The following PPP2R2B variants were observed in gnomAD, a reference collection of about 807,000 sequenced individuals.
PPP2R2B encodes serine/threonine-protein phosphatase 2A 55 kDa regulatory subunit B beta isoform.
A neutral mutation model predicts 46.0 loss-of-function variants in PPP2R2B; 5 were observed. The ratio of observed to expected loss-of-function variants is 0.11; its 90% CI spans 0.06 to 0.23. The LOEUF (loss-of-function observed/expected upper bound fraction) is 0.23. Among genes scored for constraint, PPP2R2B ranks in the 10% least tolerant of loss-of-function variants. The pLI is 1.00. For synonymous variants in PPP2R2B, 215 were observed against 206.7 expected, an observed-to-expected ratio of 1.04 and a Z score of -0.34; for missense variants, 367 against 575.0, an observed-to-expected ratio of 0.64 and a Z score of 3.70.
chr5:147,013,403 C>G (rs1439725723), intron 1 of PPP2R2B, among the ~76,000 whole-genome samples: 1 of 68,862 alleles, frequency 1.5e-5, no homozygotes, highest in East Asian at 2.8e-4. Context: ...TCATATGGAA[C>G]CAAAAAAGAG....
At chr5:146,789,702 AGAG>A (rs1293429993) in intron 2 of PPP2R2B, among the ~76,000 whole-genome samples, 7 of 152,094 alleles carry the variant, frequency 4.6e-5, no homozygotes, top group Non-Finnish European at 1.0e-4. Context: ...AAGGGAATAA[AGAG>A]GAGGTGGTAT....
intron 5 of PPP2R2B, among the ~76,000 whole-genome samples, chr5:146,661,837 C>T (rs1776692872): frequency 6.6e-6 from 1 of 152,112 alleles, no homozygotes; most frequent in South Asian, 2.1e-4. Context: ...CTGTTCACTG[C>T]CTTTCCTGTT....
At chr5:146,732,497 G>T (rs1752292612) in intron 2 of PPP2R2B, among the ~76,000 whole-genome samples, 1 of 152,122 alleles carries the variant, frequency 6.6e-6, no homozygotes, top group South Asian at 2.1e-4. Flanking sequence ...CAGGAACAAA[G>T]GGCAATCTTG....
At chr5:146,791,261 T>C (rs1205477963) in intron 2 of PPP2R2B, among the ~76,000 whole-genome samples, 1 of 152,224 alleles carries the variant, frequency 6.6e-6, no homozygotes, top group Non-Finnish European at 1.5e-5. Context: ...ACTATCATAC[T>C]GCTATATCTT....
chr5:146,783,593 G>A (rs1035855172), intron 2 of PPP2R2B, among the ~76,000 whole-genome samples: 2 of 152,116 alleles, frequency 1.3e-5, no homozygotes, highest in African/African-American at 4.8e-5. Flanking sequence ...AATAATTAAT[G>A]TCAGAGGCTG....
intron 2 of PPP2R2B, among the ~76,000 whole-genome samples, chr5:146,727,301 GTGT>G (rs1474593987): frequency 2.9e-5 from 4 of 139,082 alleles, no homozygotes; most frequent in Non-Finnish European, 4.5e-5. Context: ...ATTATGAGAG[GTGT>G]TTTTTTTTTA....
chr5:146,957,730 G>A (rs958370795), intron 1 of PPP2R2B, among the ~76,000 whole-genome samples: 1 of 152,152 alleles, frequency 6.6e-6, no homozygotes, highest in Admixed American at 6.5e-5. Flanking sequence ...TTGCAATAAC[G>A]TTCTGACCTA....
intron 2 of PPP2R2B, among the ~76,000 whole-genome samples, chr5:146,728,072 CA>C (rs1751985439): frequency 1.4e-5 from 2 of 146,982 alleles, no homozygotes; most frequent in South Asian, 4.3e-4. Context: ...TTAAATACCA[CA>C]AAGTAACTCA....
chr5:146,817,796 T>C (rs1758019175), intron 2 of PPP2R2B, among the ~76,000 whole-genome samples: 1 of 152,248 alleles, frequency 6.6e-6, no homozygotes, highest in Admixed American at 6.5e-5. Flanking sequence ...CTCAGTTTCA[T>C]TTCTTTGACC....
intron 1 of PPP2R2B, among the ~76,000 whole-genome samples, chr5:147,043,049 T>C (rs1485227430): frequency 1.3e-5 from 2 of 152,188 alleles, no homozygotes; most frequent in African/African-American, 4.8e-5. Context: ...TGCAGAATAC[T>C]ATACAGTCTG....
intron 6 of PPP2R2B, among the ~76,000 whole-genome samples, chr5:146,648,873 G>A (rs137915980): frequency 1.9e-4 from 29 of 152,276 alleles, no homozygotes; most frequent in African/African-American, 7.0e-4. Context: ...TTAGGGAAGC[G>A]TGACAAGACT....
Position 146,592,864 on chromosome 5 carries a change from G to T in PPP2R2B, c.1052+107C>A. On this transcript the variant is annotated intron_variant, in intron 9 of 9. Coordinates refer to ENST00000394411, the MANE Select transcript of PPP2R2B (RefSeq NM_181675.4). Reference sequence around the variant, plus strand: ...ACATTATGCATTTCAGCCAGGTTTTGGGGCCCAATTTTGACCTCCCTTTGG... The same window carrying T: ...ACATTATGCATTTCAGCCAGGTTTTTGGGCCCAATTTTGACCTCCCTTTGG... 3 of 1,064,802 alleles carry T rather than the reference G, an allele frequency of 2.8e-6. No homozygotes were observed. The South Asian group carries it at 4.1e-5, about 15-fold the overall frequency. The allele number at this position is 1,064,802 out of a possible 1,614,324, so 66.0% of individuals were successfully genotyped here. A position where few individuals can be genotyped will look rare whatever the true frequency, so the allele number is the denominator to read the frequency against.
At chr5:146,785,131 T>C (rs1755754848) in intron 2 of PPP2R2B, among the ~76,000 whole-genome samples, 1 of 152,154 alleles carries the variant, frequency 6.6e-6, no homozygotes, top group African/African-American at 2.4e-5. Context: ...CCCTCAACCT[T>C]AATAGTGGTT....
At chr5:146,876,360 G>A (rs1460610032) in intron 2 of PPP2R2B, among the ~76,000 whole-genome samples, 1 of 152,170 alleles carries the variant, frequency 6.6e-6, no homozygotes, top group Admixed American at 6.5e-5. Flanking sequence ...CATTTTCTCA[G>A]CTTGCTAAGT....
chr5:146,648,775 T>G (rs1039691226), intron 6 of PPP2R2B, among the ~76,000 whole-genome samples: 2 of 152,124 alleles, frequency 1.3e-5, no homozygotes, highest in Non-Finnish European at 2.9e-5. Flanking sequence ...CAAAATATTC[T>G]AGAAAGAGGG....
chr5:146,908,651 G>A (rs527311951), intron 1 of PPP2R2B, among the ~76,000 whole-genome samples: 1 of 151,882 alleles, frequency 6.6e-6, no homozygotes, highest in African/African-American at 2.4e-5. Flanking sequence ...GGTTGTAGTT[G>A]AAGAAGGTGA....
intron 2 of PPP2R2B, chr5:146,706,891 C>A: frequency 1.6e-6 from 2 of 1,269,106 alleles, no homozygotes; most frequent in Non-Finnish European, 2.3e-6. Context: ...GCACCACAGA[C>A]GTGTCCGAGA....
intron 2 of PPP2R2B, among the ~76,000 whole-genome samples, chr5:146,747,669 T>G (rs1753274375): frequency 6.6e-6 from 1 of 152,216 alleles, no homozygotes; most frequent in Non-Finnish European, 1.5e-5. Flanking sequence ...TCAATCTGAT[T>G]CCAAGGTTTG....
intron 1 of PPP2R2B, among the ~76,000 whole-genome samples, chr5:146,994,140 ATGG>A (rs1034986954): frequency 1.3e-5 from 2 of 152,116 alleles, no homozygotes; most frequent in Admixed American, 1.3e-4. Context: ...TGACAGGGCA[ATGG>A]TCCATTTCAA....
Sources: allele counts gnomAD v4.1 joint callset (sites outside exome capture counted in the v4.1 genomes callset), GRCh38; gene constraint gnomAD v4.1.1; transcripts MANE v1.5; gene names NCBI Gene and HGNC (gene_info 2026-07-23, HGNC 2026-07-21).